Variants in LRMDA observed in about 807,000 individuals in gnomAD.
LRMDA encodes the protein leucine rich melanocyte differentiation associated.
Under a neutral mutation model 29.8 loss-of-function variants are expected in LRMDA, and 18 were observed. That is an observed-to-expected ratio of 0.60 (90% CI 0.42 to 0.90). The LOEUF is 0.90. LRMDA is among the 40% of genes least tolerant of loss of function. The pLI is 0.00. For missense variants in LRMDA, 273 were observed against 273.9 expected (o/e 1.00, Z 0.02); for synonymous variants, 125 against 109.4 (o/e 1.14, Z -0.89).
chr10:76,539,197 A>G (rs1358948033), intron 6 of LRMDA, among the ~76,000 whole-genome samples: 4 of 152,202 alleles, frequency 2.6e-5, no homozygotes, highest in African/African-American at 9.6e-5. Context: ...AGAAACCCCA[A>G]GGAAGGCAAG....
At chr10:75,523,073 C>T (rs1337413990) in intron 2 of LRMDA, among the ~76,000 whole-genome samples, 2 of 152,238 alleles carry the variant, frequency 1.3e-5, no homozygotes, top group African/African-American at 4.8e-5. Context: ...ACTTCAGTTT[C>T]CTCACTTGTA....
chr10:76,219,821 T>C (rs1272446974), intron 5 of LRMDA, among the ~76,000 whole-genome samples: 1 of 152,184 alleles, frequency 6.6e-6, no homozygotes, highest in Non-Finnish European at 1.5e-5. Context: ...ACATTTTTTT[T>C]CAGCACCACA....
chr10:76,557,278 AC>A lies in LRMDA; in HGVS notation c.673del (p.Gln225SerfsTer14), dbSNP rs1391586138. 3.1e-6 allele frequency: 5 copies of A among 1,613,590 alleles called. No homozygotes were observed. Among genetic ancestry groups the A allele is most frequent in the Admixed American group, 3.3e-5 (2 of 60,004 alleles). ...GAGGGCAACAGGTTTATCCGAGATGACCAGCTCTGAAGCCAACTTCTGTATA... is the reference window on the plus strand; with the variant it reads ...GAGGGCAACAGGTTTATCCGAGATGACAGCTCTGAAGCCAACTTCTGTATA... ...NSEGNRFIRDDQL is the reference protein window; with the variant it reads ...NSEGNRFIRDXQL On this transcript the variant is annotated frameshift_variant, in exon 7 of 7. Transcript: ENST00000611255. LOFTEE classifies it high-confidence loss of function.
At chr10:75,732,000 T>C (rs1025997813) in intron 2 of LRMDA, among the ~76,000 whole-genome samples, 3 of 152,254 alleles carry the variant, frequency 2.0e-5, no homozygotes, top group East Asian at 1.9e-4. Context: ...CTACCTTCTT[T>C]TTATAGTGAC....
chr10:76,357,395 A>G (rs1169264687), intron 6 of LRMDA, among the ~76,000 whole-genome samples: 1 of 152,176 alleles, frequency 6.6e-6, no homozygotes, highest in Non-Finnish European at 1.5e-5. Flanking sequence ...AATCTGATCC[A>G]GTTTTTACTC....
chr10:75,743,684 G>C (rs950479671), intron 2 of LRMDA: 1 of 152,208 alleles, frequency 6.6e-6, no homozygotes, highest in African/African-American at 2.4e-5. Flanking sequence ...GCAAGAAGGA[G>C]AGATGAGGCA....
chr10:75,621,078 A>G (rs149168211), intron 2 of LRMDA, among the ~76,000 whole-genome samples: 20 of 152,278 alleles, frequency 1.3e-4, no homozygotes, highest in Admixed American at 6.5e-4. Context: ...ATGAGTGAGA[A>G]CATACGATGT....
chr10:76,043,528 T>G (rs1000581452), intron 3 of LRMDA, among the ~76,000 whole-genome samples: 4 of 149,830 alleles, frequency 2.7e-5, no homozygotes, highest in Admixed American at 1.3e-4. Flanking sequence ...CAGATTATAG[T>G]GTAAATTACC....
chr10:75,558,450 G>A (rs1166754661), intron 2 of LRMDA, among the ~76,000 whole-genome samples: 1 of 152,126 alleles, frequency 6.6e-6, no homozygotes, highest in Non-Finnish European at 1.5e-5. Flanking sequence ...CATTGATTCA[G>A]TCATTATCAG....
At chr10:76,093,347 A>G in intron 5 of LRMDA, among the ~76,000 whole-genome samples, 1 of 120,022 alleles carries the variant, frequency 8.3e-6, no homozygotes, top group East Asian at 6.0e-4. Context: ...TATTATAGAC[A>G]AAAAAAAAAA....
At chr10:75,892,743 T>A (rs939241776) in intron 2 of LRMDA, among the ~76,000 whole-genome samples, 1 of 152,166 alleles carries the variant, frequency 6.6e-6, no homozygotes, top group Non-Finnish European at 1.5e-5. Context: ...AAATTCCATG[T>A]CCCTACTCAC....
At chr10:76,480,788 AG>A (rs1264661375) in intron 6 of LRMDA, among the ~76,000 whole-genome samples, 1 of 151,964 alleles carries the variant, frequency 6.6e-6, no homozygotes, top group Non-Finnish European at 1.5e-5. Flanking sequence ...CTCAACATAG[AG>A]GTGTCCTCTT....
intron 2 of LRMDA, among the ~76,000 whole-genome samples, chr10:76,029,597 C>T (rs1360861142): frequency 6.6e-6 from 1 of 152,144 alleles, no homozygotes. Flanking sequence ...GGAGAATCTA[C>T]CTTCTTACCT....
intron 6 of LRMDA, among the ~76,000 whole-genome samples, chr10:76,339,959 A>G (rs1841017078): frequency 0.04 from 2 of 50 alleles, no homozygotes; most frequent in South Asian, 0.25. Context: ...CTAGGAATCC[A>G]TAACTGACCC....
intron 5 of LRMDA, among the ~76,000 whole-genome samples, chr10:76,239,957 G>A (rs975691157): frequency 2.0e-5 from 3 of 151,272 alleles, no homozygotes; most frequent in African/African-American, 4.9e-5. Context: ...AGCATATGTC[G>A]AATTATTACA....
At chr10:75,950,081 G>A (rs1184620930) in intron 2 of LRMDA, among the ~76,000 whole-genome samples, 2 of 152,196 alleles carry the variant, frequency 1.3e-5, no homozygotes, top group Admixed American at 6.5e-5. Context: ...ATGTGTGAGG[G>A]GAACCAGATG....
chr10:75,895,691 A>G (rs1845569217), intron 2 of LRMDA, among the ~76,000 whole-genome samples: 1 of 152,262 alleles, frequency 6.6e-6, no homozygotes, highest in Admixed American at 6.5e-5. Flanking sequence ...AATCCCCAGC[A>G]GGGAAGAGTT....
At chr10:75,603,106 C>T (rs1030310574) in intron 2 of LRMDA, among the ~76,000 whole-genome samples, 5 of 151,904 alleles carry the variant, frequency 3.3e-5, no homozygotes, top group Admixed American at 6.6e-5. Flanking sequence ...GCCCTTATAT[C>T]TTAATGCTTA....
At chr10:76,527,208 C>T (rs1843185930) in intron 6 of LRMDA, among the ~76,000 whole-genome samples, 2 of 152,010 alleles carry the variant, frequency 1.3e-5, no homozygotes, top group Admixed American at 1.3e-4. Flanking sequence ...CCAGTTGTTC[C>T]AGCTCATGGT....
Sources: allele counts gnomAD v4.1 joint callset (sites outside exome capture counted in the v4.1 genomes callset), GRCh38; gene constraint gnomAD v4.1.1; transcripts MANE v1.5; gene names NCBI Gene and HGNC (gene_info 2026-07-23, HGNC 2026-07-21).